The following SFT2D1 variants were observed in gnomAD, a reference collection of about 807,000 sequenced individuals.
SFT2D1 encodes SFT2 domain containing 1.
SFT2D1 carries 24 observed loss-of-function variants against 28.1 expected under a neutral mutation model. The ratio of observed to expected loss-of-function variants is 0.85; its 90% CI spans 0.62 to 1.20. The LOEUF is 1.20. Among genes scored for constraint, SFT2D1 ranks in the 50% most tolerant of loss-of-function variants. SFT2D1 has a pLI of 0.00. For missense variants in SFT2D1, 181 were observed against 190.9 expected (o/e 0.95, Z 0.31); for synonymous variants, 82 against 73.7 (o/e 1.11, Z -0.58).
chr6:166,338,771 G>A (rs919686613), intron 1 of SFT2D1, among the ~76,000 whole-genome samples: 3 of 152,098 alleles, frequency 2.0e-5, no homozygotes, highest in Non-Finnish European at 2.9e-5. Context: ...AATGAAGGAT[G>A]TGATCAGGGG....
intron 1 of SFT2D1, among the ~76,000 whole-genome samples, chr6:166,332,349 G>A (rs547576477): frequency 6.6e-6 from 1 of 152,274 alleles, no homozygotes; most frequent in Non-Finnish European, 1.5e-5. Flanking sequence ...CCGCCTCCCA[G>A]GTTCAAGTGA....
chr6:166,330,275 T>C (rs770922561), intron 1 of SFT2D1, 28 bp from the exon 2 acceptor site: 5 of 1,428,730 alleles, frequency 3.5e-6, no homozygotes, highest in African/African-American at 1.4e-5. Flanking sequence ...AAATTTAGAA[T>C]ATAGTCTTAA....
chr6:166,325,103 G>A lies in SFT2D1; in HGVS notation c.352-508C>T, dbSNP rs79102059. On this transcript the variant is annotated intron_variant, in intron 5 of 7. Coordinates refer to ENST00000361731, the MANE Select transcript of SFT2D1 (RefSeq NM_145169.3). ...TATTTTCAGAATTCCTTGTCCATCA[G>A]TGCTTTTTTACTTATTTATCTTCAA... Among the ~76,000 whole-genome samples the A allele has an allele frequency of 3.8e-3, 576 of 152,108 alleles. 2 individuals carry two copies. The highest frequency in any genetic ancestry group is 6.4e-3 in the Non-Finnish European group (436 of 68,000).
chr6:166,328,884 G>C (rs1285108052), intron 3 of SFT2D1, among the ~76,000 whole-genome samples: 1 of 152,238 alleles, frequency 6.6e-6, no homozygotes, highest in African/African-American at 2.4e-5. Context: ...GATTCTCAAA[G>C]AGGGATTCTC....
At chr6:166,328,480 A>AT (rs933566138) in intron 3 of SFT2D1, 123 bp from the exon 4 acceptor site, 2,371 of 496,548 alleles carry the variant, frequency 4.8e-3, no homozygotes, top group South Asian at 7.2e-3. Flanking sequence ...TCTCACTAAA[A>AT]TTTTTTTTTT....
chr6:166,326,186 T>C lies in SFT2D1; in HGVS notation c.316-19A>G, dbSNP rs1318646206. The C allele has an allele frequency of 3.1e-6, 5 of 1,608,702 alleles. No homozygotes were observed. Among genetic ancestry groups the C allele is most frequent in the Non-Finnish European group, 4.3e-6 (5 of 1,176,084 alleles). On this transcript the variant is annotated intron_variant, in intron 4 of 7. Coordinates refer to ENST00000361731, the MANE Select transcript of SFT2D1 (RefSeq NM_145169.3). ...AACACAACTACAGGGGAAGAAAGAG[T>C]AGATTATAAGTTTGAGATCCTTTCA... is the stretch of plus-strand genomic sequence containing the variant.
chr6:166,340,465 T>A (rs562074615), intron 1 of SFT2D1, among the ~76,000 whole-genome samples: 1 of 152,326 alleles, frequency 6.6e-6, no homozygotes, highest in East Asian at 1.9e-4. Context: ...TCTACAATTG[T>A]CCCTCTTCTC....
At chr6:166,330,716 T>A (rs1007950960) in intron 1 of SFT2D1, among the ~76,000 whole-genome samples, 3 of 152,124 alleles carry the variant, frequency 2.0e-5, no homozygotes, top group African/African-American at 7.2e-5. Context: ...TCTGAGTGCA[T>A]CCGAGTGCAT....
chr6:166,335,281 C>T (rs781466634), intron 1 of SFT2D1: 28 of 580,610 alleles, frequency 4.8e-5, no homozygotes, highest in South Asian at 1.1e-4. Context: ...ACAGCGGTGG[C>T]GGTGGATACA....
intron 1 of SFT2D1, among the ~76,000 whole-genome samples, chr6:166,335,945 AATTTT>A (rs770041755): frequency 3.3e-5 from 5 of 152,254 alleles, no homozygotes; most frequent in African/African-American, 7.2e-5. Context: ...ATTTGTGACT[AATTTT>A]ATTAACAGGT....
rs1440675354 is a variant in SFT2D1 at position 166,320,122 on chromosome 6, G to A, written c.*95C>T. The A allele has an allele frequency of 8.6e-6, 10 of 1,156,178 alleles. No homozygotes were observed. Among genetic ancestry groups the A allele is most frequent in the African/African-American group, 4.6e-5 (3 of 64,880 alleles). 71.6% of individuals were successfully genotyped at this position (1,156,178 alleles called of 1,614,324 possible). A position where few individuals can be genotyped will look rare whatever the true frequency, so the allele number is the denominator to read the frequency against. ...GTACAAAACGGTCTTCAACTGTCAC[G>A]TCAGTTGTTCCTGGAGTGTTTTATG... On this transcript the variant is annotated 3_prime_UTR_variant, in exon 8 of 8. Transcript: ENST00000361731.
At chr6:166,323,388 A>T (rs1041994498) in intron 6 of SFT2D1, 2 of 152,344 alleles carry the variant, frequency 1.3e-5, no homozygotes, top group African/African-American at 4.8e-5. Context: ...CTGATGTTTC[A>T]TCTGTCAGTA....
intron 1 of SFT2D1, among the ~76,000 whole-genome samples, chr6:166,333,702 C>G (rs1778593544): frequency 6.6e-6 from 1 of 152,232 alleles, no homozygotes. Context: ...CTGAGCCAGT[C>G]CTCATCAGCC....
At chr6:166,322,407 T>C (rs1224481926) in intron 7 of SFT2D1, among the ~76,000 whole-genome samples, 5 of 152,076 alleles carry the variant, frequency 3.3e-5, no homozygotes, top group African/African-American at 9.7e-5. Context: ...AAAACATGTT[T>C]ACTGCCGGGC....
chr6:166,337,573 T>C (rs946408303), intron 1 of SFT2D1, among the ~76,000 whole-genome samples: 2 of 151,926 alleles, frequency 1.3e-5, no homozygotes, highest in African/African-American at 4.8e-5. Context: ...TGTGTTTCTC[T>C]ACACTCCCCC....
At chr6:166,331,750 T>C (rs1256236256) in intron 1 of SFT2D1, among the ~76,000 whole-genome samples, 1 of 152,218 alleles carries the variant, frequency 6.6e-6, no homozygotes, top group African/African-American at 2.4e-5. Flanking sequence ...CCACAAAGTA[T>C]ACATAGGTCA....
At chr6:166,334,013 T>C (rs1374875886) in intron 1 of SFT2D1, among the ~76,000 whole-genome samples, 1 of 152,232 alleles carries the variant, frequency 6.6e-6, no homozygotes, top group Non-Finnish European at 1.5e-5. Flanking sequence ...AGCCAACCCC[T>C]TACCTGCTCA....
chr6:166,335,150 A>G (rs1490153156), intron 1 of SFT2D1: 3 of 611,728 alleles, frequency 4.9e-6, no homozygotes, highest in African/African-American at 3.7e-5. Context: ...TTATCCAGCC[A>G]AAGAGGTCGA....
intron 1 of SFT2D1, among the ~76,000 whole-genome samples, chr6:166,340,785 CTG>C (rs1377843910): frequency 1.3e-5 from 2 of 152,232 alleles, no homozygotes; most frequent in African/African-American, 4.8e-5. Flanking sequence ...GCACTGGTCA[CTG>C]TTATTAACAC....
Sources: allele counts gnomAD v4.1 joint callset (sites outside exome capture counted in the v4.1 genomes callset), GRCh38; gene constraint gnomAD v4.1.1; transcripts MANE v1.5; gene names NCBI Gene and HGNC (gene_info 2026-07-23, HGNC 2026-07-21).